Variants in ARAP2 observed in about 807,000 individuals in gnomAD.
The protein encoded by ARAP2 is ArfGAP with RhoGAP domain, ankyrin repeat and PH domain 2, also known as arf-GAP with Rho-GAP domain, ANK repeat and PH domain-containing protein 2.
In ARAP2, 148 loss-of-function variants were observed where a neutral mutation model predicts 194.5. The observed-to-expected ratio is 0.76, with a 90% CI of 0.67 to 0.87. ARAP2 has a LOEUF of 0.87. Among genes scored for constraint, ARAP2 ranks in the 40% least tolerant of loss-of-function variants. ARAP2 has a pLI of 0.00. For missense variants in ARAP2, 2,128 were observed against 1,989.7 expected, an observed-to-expected ratio of 1.07 and a Z score of -1.32; for synonymous variants, 695 against 683.5, an observed-to-expected ratio of 1.02 and a Z score of -0.26.
In ARAP2 at chr4:36,162,006, G is replaced by A. The variant is rs561395713; in HGVS notation, c.2174-456C>T. Among the ~76,000 whole-genome samples, 4 of 151,898 alleles carry A rather than the reference G, an allele frequency of 2.6e-5. No homozygotes were observed. In the South Asian group the frequency reaches 8.3e-4, roughly 32 times the overall value. On this transcript the variant is annotated intron_variant, in intron 11 of 32. Coordinates refer to ENST00000303965, the MANE Select transcript of ARAP2 (RefSeq NM_015230.4). The stretch of plus-strand genomic sequence containing the variant: ...ACCTGTAGTCCCAGCTACTCGGGAG[G>A]CTGAGGCAGGAGAATGGCGTGAACC...
intron 6 of ARAP2, among the ~76,000 whole-genome samples, chr4:36,016,680 CT>C (rs1214105314): frequency 6.6e-6 from 1 of 152,092 alleles, no homozygotes; most frequent in Non-Finnish European, 1.5e-5. Context: ...TTTTGATACT[CT>C]TTTAATTTTT....
chr4:36,067,321 A>G lies in ARAP2; in HGVS notation c.*586T>C, dbSNP rs1465489549. On this transcript the variant is annotated 3_prime_UTR_variant, in exon 33 of 33. Coordinates refer to ENST00000303965, the MANE Select transcript of ARAP2 (RefSeq NM_015230.4). Reference sequence around the variant, plus strand: ...GACAAGTTCTGGTCATTAGTGAACTAGAATGAATCTTAGCTCACTTCCTTG... The same window carrying G: ...GACAAGTTCTGGTCATTAGTGAACTGGAATGAATCTTAGCTCACTTCCTTG... 1 of 152,672 alleles carries G rather than the reference A, an allele frequency of 6.5e-6. No individual in the cohort carries two copies. The highest frequency in any genetic ancestry group is 1.5e-5 in the Non-Finnish European group (1 of 68,044). 9.5% of individuals were successfully genotyped at this position (152,672 alleles called of 1,614,324 possible). A position where few individuals can be genotyped will look rare whatever the true frequency, so the allele number is the denominator to read the frequency against.
chr4:36,243,256 T>A (rs964173877), intron 1 of ARAP2, among the ~76,000 whole-genome samples: 2 of 152,040 alleles, frequency 1.3e-5, no homozygotes, highest in Non-Finnish European at 2.9e-5. Context: ...ACAATACTAT[T>A]ATGAGTAATA....
intron 6 of ARAP2, among the ~76,000 whole-genome samples, chr4:36,205,465 T>C (rs762736303): frequency 1.3e-5 from 2 of 152,236 alleles, no homozygotes; most frequent in African/African-American, 2.4e-5. Flanking sequence ...TATGTGCTTT[T>C]ATAACAATCA....
intron 8 of ARAP2, among the ~76,000 whole-genome samples, chr4:36,013,922 A>C (rs1715034964): frequency 6.6e-6 from 1 of 152,130 alleles, no homozygotes; most frequent in African/African-American, 2.4e-5. Flanking sequence ...GTAGGAACTC[A>C]ACCTGTTGAA....
At position 36,133,206 on chromosome 4, in the gene ARAP2, A is replaced by G. The variant is rs1352624753; in HGVS notation, c.3427+20T>C. On this transcript the variant is annotated intron_variant, in intron 20 of 32. Transcript: ENST00000303965. Reference sequence around the variant, plus strand: ...ATACAATCAGTTCTAAGGGTTGAATAAAAACTCAGTGATACTTACCATACT... The same window carrying G: ...ATACAATCAGTTCTAAGGGTTGAATGAAAACTCAGTGATACTTACCATACT... 2.5e-6 allele frequency: 4 copies of G among 1,608,620 alleles called. No homozygotes were observed. The highest frequency in any genetic ancestry group is 1.7e-4 in the Middle Eastern group (1 of 6,018).
chr4:36,160,548 T>C lies in ARAP2; in HGVS notation c.2353A>G (p.Lys785Glu), dbSNP rs779695950. The change falls in exon 13 of 33, where the codon AAG (lysine) becomes GAG (glutamate). Residue 785 changes from lysine to glutamate, a missense_variant. Physicochemically the swap from Lys to Glu is moderately conservative, Grantham distance 56 (BLOSUM62 1). Coordinates refer to ENST00000303965, the MANE Select transcript of ARAP2 (RefSeq NM_015230.4). Reference sequence around the variant, plus strand: ...TTCTGAGTAATAAAGTTTTTTCTCTTTTCTACTGGTGAGTCCATATGTAAT... The same window carrying C: ...TTCTGAGTAATAAAGTTTTTTCTCTCTTCTACTGGTGAGTCCATATGTAAT... ...EELHMDSPVE[K>E]RKNFITQKYK... 2.5e-6 allele frequency: 4 copies of C among 1,574,622 alleles called. No homozygotes were observed. Among genetic ancestry groups the C allele is most frequent in the African/African-American group, 2.8e-5 (2 of 72,014 alleles).
Position 36,190,129 on chromosome 4 carries a change from C to T in ARAP2, c.1558-2558G>A, listed in dbSNP as rs374058798. Among the ~76,000 whole-genome samples, 24 of 152,348 alleles carry T rather than the reference C, an allele frequency of 1.6e-4. No homozygotes were observed. The South Asian group carries it at 3.9e-3, about 25-fold the overall frequency. On this transcript the variant is annotated intron_variant, in intron 7 of 32. Coordinates refer to ENST00000303965, the MANE Select transcript of ARAP2 (RefSeq NM_015230.4). ...CACTGTTTGCTCTGCAACGAATTGT[C>T]TTCACGCCCATCTGCACATACTTAC...
At chr4:36,025,791 C>A (rs1248801347) in intron 5 of ARAP2, among the ~76,000 whole-genome samples, 1 of 151,584 alleles carries the variant, frequency 6.6e-6, no homozygotes, top group African/African-American at 2.4e-5. Flanking sequence ...GGAAAAAAAT[C>A]AAAAAATGAT....
At chr4:36,010,136 TAAATAAATAA>T in intron 9 of ARAP2, among the ~76,000 whole-genome samples, 1 of 151,546 alleles carries the variant, frequency 6.6e-6, no homozygotes, top group East Asian at 1.9e-4. Flanking sequence ...GAAAACATTA[TAAATAAATAA>T]ATATAATTAT....
At chr4:36,153,745 A>G (rs1241606252) in intron 15 of ARAP2, among the ~76,000 whole-genome samples, 2 of 152,174 alleles carry the variant, frequency 1.3e-5, no homozygotes, top group East Asian at 3.8e-4. Flanking sequence ...AGGACAACAT[A>G]CCTAAACTCA....
chr4:36,235,419 A>T (rs945424629), intron 1 of ARAP2, among the ~76,000 whole-genome samples: 1 of 152,170 alleles, frequency 6.6e-6, no homozygotes, highest in Non-Finnish European at 1.5e-5. Context: ...CTTCTCCAGC[A>T]TATACGTATG....
intron 5 of ARAP2, among the ~76,000 whole-genome samples, chr4:36,031,090 A>T (rs555574055): frequency 2.8e-4 from 43 of 152,340 alleles, no homozygotes; most frequent in South Asian, 1.2e-3. Context: ...AGATCGTGCC[A>T]TTGCACTCCA....
chr4:36,006,137 T>G (rs11735425), intron 10 of ARAP2: 2 of 152,002 alleles, frequency 1.3e-5, no homozygotes, highest in Non-Finnish European at 2.9e-5. Context: ...GGTTAGGGGA[T>G]CCAAGGACCA....
At chr4:36,218,740 T>C (rs565161865) in intron 2 of ARAP2, among the ~76,000 whole-genome samples, 1 of 152,138 alleles carries the variant, frequency 6.6e-6, no homozygotes, top group Admixed American at 6.5e-5. Flanking sequence ...GATGAAGAAC[T>C]CTTATTCATT....
intron 27 of ARAP2, among the ~76,000 whole-genome samples, chr4:36,094,873 C>T (rs1699409930): frequency 6.6e-6 from 1 of 151,966 alleles, no homozygotes; most frequent in South Asian, 2.1e-4. Context: ...GAAACTTATC[C>T]AAGGCACACA....
At chr4:36,130,574 G>A (rs1266634341) in intron 20 of ARAP2, among the ~76,000 whole-genome samples, 1 of 151,762 alleles carries the variant, frequency 6.6e-6, no homozygotes, top group Non-Finnish European at 1.5e-5. Context: ...CCTTCTCTGG[G>A]TAAAATTTAC....
chr4:36,050,307 C>T (rs2109248061), intron 3 of ARAP2, among the ~76,000 whole-genome samples: 1 of 152,310 alleles, frequency 6.6e-6, no homozygotes, highest in East Asian at 1.9e-4. Flanking sequence ...ATCTGAAACT[C>T]ATGTCTGATA....
intron 9 of ARAP2, chr4:36,007,066 G>C (rs1312069671): frequency 2.6e-5 from 4 of 152,030 alleles, no homozygotes; most frequent in Admixed American, 6.6e-5. Context: ...GAAAAAAAGA[G>C]AGAGAGTTAC....
Sources: gnomAD v4.1 joint callset for allele counts (sites outside exome capture counted in the v4.1 genomes callset) on GRCh38, gnomAD v4.1.1 for gene constraint, MANE v1.5 for transcripts, NCBI Gene and HGNC (gene_info 2026-07-23, HGNC 2026-07-21) for gene names.